The following ITPK1 variants were observed in gnomAD, a reference collection of about 807,000 sequenced individuals.
The protein encoded by ITPK1 is inositol 1,3,4-trisphosphate 5/6-kinase.
A neutral mutation model predicts 45.3 loss-of-function variants in ITPK1; 21 were observed. The observed-to-expected ratio is 0.46, with a 90% CI of 0.33 to 0.67. The LOEUF is 0.67. ITPK1 is among the 30% of genes least tolerant of loss of function. The pLI is 0.02. For missense variants in ITPK1, 474 were observed against 573.5 expected (o/e 0.83, Z 1.77); for synonymous variants, 258 against 253.6 (o/e 1.02, Z -0.16).
chr14:92,957,959 G>A (rs1359857576), intron 8 of ITPK1, among the ~76,000 whole-genome samples: 1 of 152,200 alleles, frequency 6.6e-6, no homozygotes, highest in Admixed American at 6.5e-5. Context: ...GATGCATCCT[G>A]GAGTCTACGG....
intron 5 of ITPK1, among the ~76,000 whole-genome samples, chr14:92,968,149 G>A (rs1423450414): frequency 3.3e-5 from 5 of 152,098 alleles, no homozygotes; most frequent in African/African-American, 1.2e-4. Flanking sequence ...GGCCAACATG[G>A]TGAAACCCTG....
chr14:93,115,293 G>A lies in ITPK1; in HGVS notation c.-130C>T, dbSNP rs2140046766. 1.9e-6 allele frequency: 1 copy of A among 524,150 alleles called. No homozygotes were observed. Among genetic ancestry groups the A allele is most frequent in the South Asian group, 2.4e-5 (1 of 42,184 alleles). The allele number at this position is 524,150 out of a possible 1,614,324, so 32.5% of individuals were successfully genotyped here. On this transcript the variant is annotated 5_prime_UTR_variant, in exon 2 of 11. Transcript: ENST00000267615. ...GGGACGCGGAACGGGGATCGGAGCT[G>A]GGGCGCGCAGTCCTGCCGCGCGGAG...
intron 3 of ITPK1, among the ~76,000 whole-genome samples, chr14:93,029,400 T>G (rs1201432860): frequency 2.0e-5 from 3 of 151,924 alleles, no homozygotes; most frequent in Non-Finnish European, 1.5e-5. Flanking sequence ...GTTAAAGAAT[T>G]CCACGATGTC....
chr14:93,005,528 A>G (rs1461939845), intron 4 of ITPK1, among the ~76,000 whole-genome samples: 1 of 152,126 alleles, frequency 6.6e-6, no homozygotes, highest in Non-Finnish European at 1.5e-5. Context: ...AGGCAAGAGG[A>G]GGAGACTGCC....
chr14:92,969,495 G>A (rs1029115302), intron 5 of ITPK1, among the ~76,000 whole-genome samples: 1 of 152,184 alleles, frequency 6.6e-6, no homozygotes, highest in Non-Finnish European at 1.5e-5. Flanking sequence ...CGCTCCAGCT[G>A]AGTGGGAGGC....
Position 92,939,675 on chromosome 14 carries a change from A to G in ITPK1, c.*1886T>C. 5.1e-6 allele frequency: 5 copies of G among 985,304 alleles called. No individual in the cohort carries two copies. Among genetic ancestry groups the G allele is most frequent in the Non-Finnish European group, 6.0e-6 (5 of 829,904 alleles). The allele number at this position is 985,304 out of a possible 1,614,324, so 61.0% of individuals were successfully genotyped here. ...TCGGTATCTGGGCCCTGGACGCGCA[A>G]GACCCCGGAGGCCACAAACGGTACA... On this transcript the variant is annotated 3_prime_UTR_variant, in exon 11 of 11. Transcript: ENST00000267615.
rs550809040 is a variant in ITPK1 at position 92,983,664 on chromosome 14, C to T, written c.364+10216G>A. Among the ~76,000 whole-genome samples, 10 of 152,204 alleles carry T rather than the reference C, an allele frequency of 6.6e-5. No homozygotes were observed. In the South Asian group the frequency reaches 2.1e-3, roughly 32 times the overall value. On this transcript the variant is annotated intron_variant, in intron 5 of 10. Transcript: ENST00000267615. ...TACGGCTTCCCCAGGCAGACTGGCACCATCAGGAGTGAAATTTGCTCAAAC... is the reference window on the plus strand; with the variant it reads ...TACGGCTTCCCCAGGCAGACTGGCATCATCAGGAGTGAAATTTGCTCAAAC...
Position 93,036,280 on chromosome 14 carries a change from G to A in ITPK1, c.121-19479C>T, listed in dbSNP as rs946084210. The stretch of plus-strand genomic sequence containing the variant: ...CCCTGCCCCAGGAGGTCCACATGGT[G>A]CAGTGGACTGCAATGTCTAAAGGGC... On this transcript the variant is annotated intron_variant, in intron 3 of 10. Transcript: ENST00000267615. The surrounding 1 kb of genome is among the most constrained non-coding windows in gnomAD (Gnocchi z 4.1). 6.6e-6 allele frequency among the ~76,000 whole-genome samples: 1 copy of A among 152,182 alleles called. No individual in the cohort carries two copies. Among genetic ancestry groups the A allele is most frequent in the African/African-American group, 2.4e-5 (1 of 41,428 alleles).
intron 3 of ITPK1, among the ~76,000 whole-genome samples, chr14:93,051,079 C>T (rs934328442): frequency 1.3e-5 from 2 of 152,096 alleles, no homozygotes; most frequent in African/African-American, 2.4e-5. Context: ...GGACACCTGA[C>T]GGACAAGGAA....
At chr14:92,992,700 G>A (rs1487448514) in intron 5 of ITPK1, among the ~76,000 whole-genome samples, 1 of 152,274 alleles carries the variant, frequency 6.6e-6, no homozygotes, top group Non-Finnish European at 1.5e-5. Flanking sequence ...TCTAGATCCA[G>A]GGCCCTCTGG....
chr14:92,983,079 T>C (rs916737778), intron 5 of ITPK1, among the ~76,000 whole-genome samples: 16 of 152,334 alleles, frequency 1.1e-4, no homozygotes, highest in Admixed American at 1.0e-3. Context: ...CATTTCATCT[T>C]ATGTGACCAG....
intron 3 of ITPK1, among the ~76,000 whole-genome samples, chr14:93,040,743 C>T (rs1035088901): frequency 3.9e-5 from 6 of 152,104 alleles, no homozygotes; most frequent in Non-Finnish European, 5.9e-5. Flanking sequence ...CCCTCTGGGT[C>T]ACTGCCATTC....
intron 4 of ITPK1, among the ~76,000 whole-genome samples, chr14:92,996,946 G>T (rs1016024605): frequency 1.3e-5 from 2 of 152,208 alleles, no homozygotes; most frequent in Non-Finnish European, 2.9e-5. Context: ...TGCCCTTAGG[G>T]TCTCTGTAAA....
At chr14:93,086,982 T>G (rs1013634984) in intron 2 of ITPK1, among the ~76,000 whole-genome samples, 1 of 152,258 alleles carries the variant, frequency 6.6e-6, no homozygotes, top group Non-Finnish European at 1.5e-5. Context: ...ACCTTGACCC[T>G]GACCCAGTCC....
At chr14:93,087,950 G>A (rs1478156564) in intron 2 of ITPK1, among the ~76,000 whole-genome samples, 1 of 152,212 alleles carries the variant, frequency 6.6e-6, no homozygotes, top group African/African-American at 2.4e-5. Flanking sequence ...GAGACCAAAG[G>A]CTCCAGGCCT....
chr14:92,954,417 G>C (rs1011397629), intron 8 of ITPK1, among the ~76,000 whole-genome samples: 8 of 152,138 alleles, frequency 5.3e-5, no homozygotes, highest in African/African-American at 1.9e-4. Flanking sequence ...CAAGAGAGTC[G>C]GTTCCTCTAA....
At position 93,071,460 on chromosome 14, in the gene ITPK1, G is replaced by C. The variant is rs1890999852; in HGVS notation, c.120+5135C>G. 2.6e-5 allele frequency: 4 copies of C among 152,132 alleles called. No homozygotes were observed. In the South Asian group the frequency reaches 8.3e-4, roughly 31 times the overall value. 9.4% of individuals were successfully genotyped at this position (152,132 alleles called of 1,614,324 possible). ...CAAACCAAACCCCCACAAAATAAATGTTTAAAACTACATATCTATTTGCAC... is the reference window on the plus strand; with the variant it reads ...CAAACCAAACCCCCACAAAATAAATCTTTAAAACTACATATCTATTTGCAC... On this transcript the variant is annotated intron_variant, in intron 3 of 10. Coordinates refer to ENST00000267615, the MANE Select transcript of ITPK1 (RefSeq NM_014216.6).
chr14:93,040,684 C>G (rs13379225), intron 3 of ITPK1, among the ~76,000 whole-genome samples: 24,486 of 152,176 alleles, frequency 0.16, 2,431 homozygotes, highest in African/African-American at 0.27. Context: ...CCCTCTCCCC[C>G]CCGCAGGAGG....
Position 92,962,353 on chromosome 14 carries a change from A to G in ITPK1, c.504+2T>C. 6.2e-7 allele frequency: 1 copy of G among 1,605,502 alleles called. No homozygotes were observed. The highest frequency in any genetic ancestry group is 8.5e-7 in the Non-Finnish European group (1 of 1,172,298). ...ACAACAGTCAGATCTTCTTCCACTCACCTCGTGAGAGTTGGTGCCATGAGC... is the reference window on the plus strand; with the variant it reads ...ACAACAGTCAGATCTTCTTCCACTCGCCTCGTGAGAGTTGGTGCCATGAGC... On this transcript the variant is annotated splice_donor_variant, in intron 7 of 10. Transcript: ENST00000267615. LOFTEE classifies it high-confidence loss of function.
Sources: allele counts gnomAD v4.1 joint callset (sites outside exome capture counted in the v4.1 genomes callset), GRCh38; gene constraint gnomAD v4.1.1; non-coding constraint Gnocchi (gnomAD v3.1); transcripts MANE v1.5; gene names NCBI Gene and HGNC (gene_info 2026-07-23, HGNC 2026-07-21).